DCAF8: variants seen among roughly 807,000 people sequenced by gnomAD.
DCAF8 encodes the protein DDB1- and CUL4-associated factor 8.
A neutral mutation model predicts 68.0 loss-of-function variants in DCAF8; 20 were observed. The observed-to-expected ratio is 0.29, with a 90% CI of 0.21 to 0.43. DCAF8 has a LOEUF of 0.43. Ranked by LOEUF, DCAF8 falls within the 20% of genes least tolerant of loss-of-function variation. The pLI is 1.00. For synonymous variants in DCAF8, 230 were observed against 276.9 expected (o/e 0.83, Z 1.68); for missense variants, 460 against 771.0 (o/e 0.60, Z 4.78).
intron 9 of DCAF8, 117 bp downstream of exon 9, chr1:160,224,945 G>T: frequency 2.1e-6 from 2 of 966,286 alleles, no homozygotes; most frequent in South Asian, 1.3e-5. Flanking sequence ...CTCCCCAGCT[G>T]CTCTACTTGG....
chr1:160,238,550 G>A, intron 5 of DCAF8, 57 bp downstream of exon 5: 7 of 1,511,644 alleles, frequency 4.6e-6, no homozygotes. Context: ...GGAGAACCTT[G>A]GCTGAGAACC....
intron 1 of DCAF8, chr1:160,262,006 G>A (rs1305038038): frequency 2.8e-5 from 6 of 213,156 alleles, no homozygotes; most frequent in Admixed American, 5.9e-5. Flanking sequence ...AGGGCGAGCC[G>A]TGTCCCTCAA....
intron 2 of DCAF8, among the ~76,000 whole-genome samples, chr1:160,260,245 T>G (rs1657034794): frequency 6.6e-6 from 1 of 152,124 alleles, no homozygotes; most frequent in Admixed American, 6.5e-5. Flanking sequence ...GTCAGAGAAG[T>G]TTAAGTAACT....
chr1:160,216,356 T>C lies in DCAF8; in HGVS notation c.*1236A>G, dbSNP rs925501554. 1 of 152,084 alleles carries C rather than the reference T, an allele frequency of 6.6e-6. No individual in the cohort carries two copies. Among genetic ancestry groups the C allele is most frequent in the African/African-American group, 2.4e-5 (1 of 41,400 alleles). 9.4% of individuals were successfully genotyped at this position (152,084 alleles called of 1,614,324 possible). On this transcript the variant is annotated 3_prime_UTR_variant, in exon 14 of 14. Transcript: ENST00000368074. ...TGTCTTCTGTCACAAAGTACCACAA[T>C]AGTCTGCAGTGGTGGCACCACCCTA...
chr1:160,258,460 T>C (rs1373830428), intron 2 of DCAF8, among the ~76,000 whole-genome samples: 2 of 151,992 alleles, frequency 1.3e-5, no homozygotes, highest in Non-Finnish European at 2.9e-5. Flanking sequence ...GATGTCACAA[T>C]TCTTAAGTAA....
chr1:160,222,160 T>A (rs1191761864), intron 11 of DCAF8, among the ~76,000 whole-genome samples: 1 of 152,260 alleles, frequency 6.6e-6, no homozygotes, highest in African/African-American at 2.4e-5. Context: ...CAATTTAATA[T>A]TGAATACCAT....
intron 10 of DCAF8, among the ~76,000 whole-genome samples, chr1:160,223,414 AAACT>A (rs1655362253): frequency 6.6e-6 from 1 of 152,194 alleles, no homozygotes; most frequent in Non-Finnish European, 1.5e-5. Context: ...AAAAAAAATA[AAACT>A]AACCTCTAAC....
chr1:160,258,069 G>T (rs1176332966), intron 2 of DCAF8, among the ~76,000 whole-genome samples: 1 of 152,196 alleles, frequency 6.6e-6, no homozygotes, highest in East Asian at 1.9e-4. Context: ...GCATTTAGCA[G>T]GGTGCAGTGG....
intron 7 of DCAF8, among the ~76,000 whole-genome samples, chr1:160,227,694 G>C (rs1048840232): frequency 1.3e-5 from 2 of 152,142 alleles, no homozygotes; most frequent in Non-Finnish European, 2.9e-5. Flanking sequence ...TAAAACTATT[G>C]AATTCTGCCA....
chr1:160,222,997 G>A (rs532164780), intron 10 of DCAF8, among the ~76,000 whole-genome samples: 2 of 152,346 alleles, frequency 1.3e-5, no homozygotes, highest in East Asian at 3.9e-4. Context: ...TCCTTTAGCA[G>A]CAGCCTTAGT....
intron 4 of DCAF8, 32 bp from the exon 5 acceptor site, chr1:160,238,779 C>T (rs891227578): frequency 3.2e-6 from 5 of 1,569,664 alleles, no homozygotes; most frequent in Non-Finnish European, 4.3e-6. Flanking sequence ...AAAGGACACA[C>T]AAAAGAAATG....
rs371899676 is a variant in DCAF8, at chr1:160,239,679, T to C, written c.723+18A>G. On this transcript the variant is annotated intron_variant, in intron 4 of 13. Transcript: ENST00000368074. ...CATGCCTGATTCTCTCAGTTGCTATTATGCTCCCTTGCCTCACCTGGAACA... is the reference window on the plus strand; with the variant it reads ...CATGCCTGATTCTCTCAGTTGCTATCATGCTCCCTTGCCTCACCTGGAACA... The C allele has an allele frequency of 8.7e-6, 14 of 1,614,134 alleles. No homozygotes were observed. Among genetic ancestry groups the C allele is most frequent in the African/African-American group, 4.0e-5 (3 of 74,944 alleles).
intron 1 of DCAF8, chr1:160,262,140 C>G (rs990167049): frequency 2.5e-6 from 1 of 392,682 alleles, no homozygotes; most frequent in African/African-American, 2.1e-5. Context: ...AACCAGTACT[C>G]CCAGCGATGA....
chr1:160,230,067 TAGAGG>T (rs940280311), intron 7 of DCAF8, among the ~76,000 whole-genome samples: 1 of 151,938 alleles, frequency 6.6e-6, no homozygotes, highest in Admixed American at 6.6e-5. Context: ...TGTTGGTGAC[TAGAGG>T]AAACGAATTT....
chr1:160,231,343 C>T lies in DCAF8; in HGVS notation c.1024G>A (p.Ala342Thr). 1 of 1,614,138 alleles carries T rather than the reference C, an allele frequency of 6.2e-7. No homozygotes were observed. Among genetic ancestry groups the T allele is most frequent in the Non-Finnish European group, 8.5e-7 (1 of 1,180,014 alleles). Reference protein sequence around the residue: ...VGLYTIYVNPANTHQFAVGGR... With the variant: ...VGLYTIYVNPTNTHQFAVGGR... Reference sequence around the variant, plus strand: ...CCCACTGCAAACTGGTGGGTATTGGCAGGATTCACATAGATCGTATACAGC... The same window carrying T: ...CCCACTGCAAACTGGTGGGTATTGGTAGGATTCACATAGATCGTATACAGC... The change falls in exon 7 of 14, where the codon GCC becomes ACC. Residue 342 changes from alanine (A) to threonine (T), a missense_variant. Around this residue, in one of 8 missense-constraint regions of DCAF8, gnomAD observed 170 missense variants for 318.2 expected, o/e 0.53. Coordinates refer to ENST00000368074, the MANE Select transcript of DCAF8 (RefSeq NM_015726.4).
intron 3 of DCAF8, among the ~76,000 whole-genome samples, chr1:160,240,955 G>A (rs1656091895): frequency 6.6e-6 from 1 of 152,124 alleles, no homozygotes; most frequent in South Asian, 2.1e-4. Context: ...ACGAGGTTAG[G>A]AGATCGAGAC....
chr1:160,254,567 G>A (rs767401990), intron 2 of DCAF8, among the ~76,000 whole-genome samples: 2 of 152,080 alleles, frequency 1.3e-5, no homozygotes, highest in Non-Finnish European at 2.9e-5. Context: ...GCCGGGCCGG[G>A]TGGATCACGA....
At chr1:160,243,046 T>C (rs74125532) in intron 3 of DCAF8, among the ~76,000 whole-genome samples, 2,416 of 152,318 alleles carry the variant, frequency 0.016, 63 homozygotes, top group African/African-American at 0.049. Flanking sequence ...TCACATCAAC[T>C]AGAATTTAGC....
At chr1:160,238,392 T>C (rs1365588600) in intron 5 of DCAF8, among the ~76,000 whole-genome samples, 1 of 152,236 alleles carries the variant, frequency 6.6e-6, no homozygotes, top group African/African-American at 2.4e-5. Context: ...CCAAATACTA[T>C]GAATGCATGA....
Sources: gnomAD v4.1 joint callset for allele counts (sites outside exome capture counted in the v4.1 genomes callset) on GRCh38, gnomAD v4.1.1 for gene constraint, gnomAD v4.1.1 regional missense constraint, MANE v1.5 for transcripts, NCBI Gene and HGNC (gene_info 2026-07-23, HGNC 2026-07-21) for gene names.